CTBP2: variants seen among roughly 807,000 people sequenced by gnomAD.
CTBP2 encodes C-terminal-binding protein 2.
CTBP2 carries 30 observed loss-of-function variants against 80.3 expected under a neutral mutation model. The observed-to-expected ratio is 0.37, with a 90% CI of 0.28 to 0.51. The LOEUF (loss-of-function observed/expected upper bound fraction) is 0.51. Among genes scored for constraint, CTBP2 ranks in the 20% least tolerant of loss-of-function variants. The pLI, the probability that CTBP2 is intolerant of heterozygous loss-of-function variation, is 0.93. For synonymous variants in CTBP2, 594 were observed against 587.4 expected (o/e 1.01, Z -0.16); for missense variants, 1,212 against 1,375.3 (o/e 0.88, Z 1.88).
intron 3 of CTBP2, among the ~76,000 whole-genome samples, chr10:125,033,578 C>T (rs541231839): frequency 2.1e-4 from 32 of 152,268 alleles, no homozygotes; most frequent in South Asian, 4.1e-4. Flanking sequence ...CTGTGTGAAG[C>T]GCGCAGAAGG....
intron 2 of CTBP2, among the ~76,000 whole-genome samples, chr10:125,108,918 C>G (rs1476849988): frequency 6.6e-6 from 1 of 152,256 alleles, no homozygotes; most frequent in Non-Finnish European, 1.5e-5. Context: ...ATGGTGGGAA[C>G]CCCACATAAG....
intron 2 of CTBP2, among the ~76,000 whole-genome samples, chr10:125,076,814 A>G (rs188865533): frequency 8.1e-4 from 123 of 152,246 alleles, no homozygotes; most frequent in African/African-American, 2.9e-3. Flanking sequence ...CTGTCTACGT[A>G]TTTCCCTATT....
At chr10:125,102,677 A>G (rs916568194) in intron 2 of CTBP2, among the ~76,000 whole-genome samples, 1 of 152,232 alleles carries the variant, frequency 6.6e-6, no homozygotes, top group African/African-American at 2.4e-5. Flanking sequence ...TACTCTCATC[A>G]AAGTGAAGGT....
rs57913854 is a variant in CTBP2 at position 125,046,537 on chromosome 10, C to CAAAA, written c.-101-7386_-101-7383dup. Reference sequence around the variant, plus strand: ...TGAGTGACAGAGTGAGACTCTATCTCAAAAAAAAAAAAAAAAAAGAATTTG... The same window carrying CAAAA: ...TGAGTGACAGAGTGAGACTCTATCTCAAAAAAAAAAAAAAAAAAAAAAGAATTTG... On this transcript the variant is annotated intron_variant, in intron 2 of 10. Coordinates refer to the CTBP2 transcript ENST00000337195. 5.5e-4 allele frequency among the ~76,000 whole-genome samples: 63 copies of CAAAA among 114,756 alleles called. 1 individual carries two copies. The highest frequency in any genetic ancestry group is 8.8e-3 in the Middle Eastern group (2 of 226). The allele number at this position is 114,756 out of a possible 152,430, so 75.3% of individuals were successfully genotyped here.
intron 2 of CTBP2, among the ~76,000 whole-genome samples, chr10:125,098,722 GAC>G (rs1564914267): frequency 0.022 from 2,252 of 104,444 alleles, 79 homozygotes; most frequent in African/African-American, 0.05. Flanking sequence ...GAGAGAGAGA[GAC>G]AGAGAGAGAG....
chr10:125,136,434 G>T (rs1856985078), intron 1 of CTBP2, among the ~76,000 whole-genome samples: 2 of 152,180 alleles, frequency 1.3e-5, no homozygotes, highest in African/African-American at 2.4e-5. Flanking sequence ...GCTTGTTCAG[G>T]CCACCACTCC....
intron 1 of CTBP2, among the ~76,000 whole-genome samples, chr10:125,009,245 A>G (rs1197697166): frequency 6.6e-6 from 1 of 152,252 alleles, no homozygotes; most frequent in Non-Finnish European, 1.5e-5. Flanking sequence ...CCGGGGAACG[A>G]GCATTCCAAA....
At chr10:125,029,167 ATC>A (rs1957937755), upstream of CTBP2, among the ~76,000 whole-genome samples, 1 of 152,134 alleles carries the variant, frequency 6.6e-6, no homozygotes, top group African/African-American at 2.4e-5. Context: ...CCTCACTCAC[ATC>A]TCTCTCAATC....
In CTBP2 at chr10:125,066,978, C is replaced by T. The variant is rs192865221; in HGVS notation, c.-101-27823G>A. 1.2e-4 allele frequency among the ~76,000 whole-genome samples: 18 copies of T among 152,290 alleles called. No homozygotes were observed. In the East Asian group the frequency reaches 1.5e-3, roughly 13 times the overall value. Reference sequence around the variant, plus strand: ...GCTGCTGAATTCCTGAAGTCCCCGCCTGACCACCAGGCCCAGGTATAAGGG... The same window carrying T: ...GCTGCTGAATTCCTGAAGTCCCCGCTTGACCACCAGGCCCAGGTATAAGGG... On this transcript the variant is annotated intron_variant, in intron 2 of 10. Coordinates refer to the CTBP2 transcript ENST00000337195. This position sits in a 1 kb window ranked among gnomAD's most constrained non-coding sequence, Gnocchi z 4.1.
intron 1 of CTBP2, among the ~76,000 whole-genome samples, chr10:125,015,237 G>A (rs1956351581): frequency 6.6e-6 from 1 of 152,188 alleles, no homozygotes; most frequent in Non-Finnish European, 1.5e-5. Flanking sequence ...GGGAAAACCC[G>A]CTTGCCAGCA....
At position 125,154,160 on chromosome 10, in the gene CTBP2, A is replaced by C. The variant is rs572920890; in HGVS notation, c.-206+6159T>G. 4.2e-4 allele frequency among the ~76,000 whole-genome samples: 64 copies of C among 152,346 alleles called. 1 individual carries two copies. Among genetic ancestry groups the C allele is most frequent in the Admixed American group, 3.8e-3 (58 of 15,306 alleles). On this transcript the variant is annotated intron_variant, in intron 1 of 10. Coordinates refer to the CTBP2 transcript ENST00000337195. ...AGAGGAGAGCTTTGGAGGAAGCACAAATCAGCAATACAATGGAAGGTAAGT... is the reference window on the plus strand; with the variant it reads ...AGAGGAGAGCTTTGGAGGAAGCACACATCAGCAATACAATGGAAGGTAAGT...
intron 1 of CTBP2, among the ~76,000 whole-genome samples, chr10:125,022,390 C>T (rs1333718351): frequency 6.6e-6 from 1 of 152,252 alleles, no homozygotes; most frequent in Non-Finnish European, 1.5e-5. Flanking sequence ...GTCTTGCCCA[C>T]CTGGGAGCCC....
At chr10:125,086,563 C>G (rs1203519193) in intron 2 of CTBP2, among the ~76,000 whole-genome samples, 1 of 143,216 alleles carries the variant, frequency 7.0e-6, no homozygotes, top group East Asian at 2.1e-4. Context: ...TGCGGTGAGC[C>G]GAGATCACAC....
rs189830906 is a variant in CTBP2, at chr10:125,063,810, G to A, written c.-101-24655C>T. On this transcript the variant is annotated intron_variant, in intron 2 of 10. Transcript: ENST00000337195. ...AGCATTAAGCAGACACAGCTCTCCCGTGGCTATGTCACAGCGATTCTCAAA... is the reference window on the plus strand; with the variant it reads ...AGCATTAAGCAGACACAGCTCTCCCATGGCTATGTCACAGCGATTCTCAAA... Among the ~76,000 whole-genome samples, 1,021 of 152,280 alleles carry A rather than the reference G, an allele frequency of 6.7e-3. 4 individuals carry two copies. Among genetic ancestry groups the A allele is most frequent in the Non-Finnish European group, 0.011 (776 of 68,028 alleles).
intron 2 of CTBP2, among the ~76,000 whole-genome samples, chr10:125,092,141 T>C (rs1178385576): frequency 2.0e-5 from 3 of 151,318 alleles, no homozygotes; most frequent in Non-Finnish European, 4.4e-5. Context: ...GGGAGATTAC[T>C]AGGTCAAAGA....
chr10:124,992,219 T>TTTC, intron 8 of CTBP2, among the ~76,000 whole-genome samples: 1 of 149,680 alleles, frequency 6.7e-6, no homozygotes, highest in South Asian at 2.2e-4. Context: ...CTTTTTTTTT[T>TTTC]TTTTTTTTTG....
At chr10:125,161,181 T>G (rs930531033), upstream of CTBP2, 8 of 151,008 alleles carry the variant, frequency 5.3e-5, no homozygotes, top group South Asian at 2.2e-4. Context: ...TCTCGGGGGA[T>G]TAGTGGCTCC....
chr10:124,994,080 T>G, intron 5 of CTBP2, 95 bp from the exon 8 acceptor site: 5 of 1,537,536 alleles, frequency 3.3e-6, no homozygotes, highest in Non-Finnish European at 4.4e-6. Flanking sequence ...GCTAGTTTTG[T>G]TGGTCTGGTG....
At chr10:125,068,292 C>G (rs1165850356) in intron 2 of CTBP2, among the ~76,000 whole-genome samples, 1 of 152,178 alleles carries the variant, frequency 6.6e-6, no homozygotes, top group Non-Finnish European at 1.5e-5. Flanking sequence ...TGACCATTCC[C>G]AAATTCAGGA....
Sources: allele counts gnomAD v4.1 joint callset (sites outside exome capture counted in the v4.1 genomes callset), GRCh38; gene constraint gnomAD v4.1.1; non-coding constraint Gnocchi (gnomAD v3.1); transcripts MANE v1.5; gene names NCBI Gene and HGNC (gene_info 2026-07-23, HGNC 2026-07-21).